NCKAP5: variants seen among roughly 807,000 people sequenced by gnomAD.
NCKAP5 encodes the protein NCK associated protein 5, also known as nck-associated protein 5.
NCKAP5 carries 92 observed loss-of-function variants against 167.0 expected under a neutral mutation model. The ratio of observed to expected loss-of-function variants is 0.55; its 90% CI spans 0.47 to 0.66. The LOEUF is 0.66. NCKAP5 is among the 30% of genes least tolerant of loss of function. The probability of loss-of-function intolerance (pLI) is 0.00; values close to 1 mark genes in which losing one functional copy is unlikely to be tolerated. For missense variants in NCKAP5, 2,378 were observed against 2,315.0 expected (o/e 1.03, Z -0.56); for synonymous variants, 891 against 877.4 (o/e 1.02, Z -0.27).
At chr2:132,791,701 C>T (rs1684083219) in intron 12 of NCKAP5, among the ~76,000 whole-genome samples, 1 of 152,176 alleles carries the variant, frequency 6.6e-6, no homozygotes. Context: ...CCTTTCAGTA[C>T]CTGAGTACTT....
At chr2:133,003,261 T>C (rs10496696) in intron 6 of NCKAP5, among the ~76,000 whole-genome samples, 8,247 of 152,256 alleles carry the variant, frequency 0.054, 458 homozygotes, top group East Asian at 0.33. Flanking sequence ...TATAATTTGC[T>C]TTTAAGTTTC....
intron 3 of NCKAP5, among the ~76,000 whole-genome samples, chr2:133,442,420 C>G (rs1449429473): frequency 6.6e-6 from 1 of 152,182 alleles, no homozygotes; most frequent in Non-Finnish European, 1.5e-5. Context: ...GTTGAAGCTG[C>G]CTAACAGCTC....
At chr2:132,803,192 C>CT (rs1358014032) in intron 11 of NCKAP5, among the ~76,000 whole-genome samples, 1 of 152,152 alleles carries the variant, frequency 6.6e-6, no homozygotes, top group Non-Finnish European at 1.5e-5. Flanking sequence ...AAATGTTCTC[C>CT]TAGAGACCCT....
At chr2:133,033,656 CAA>C (rs1227395486) in intron 6 of NCKAP5, among the ~76,000 whole-genome samples, 1 of 151,962 alleles carries the variant, frequency 6.6e-6, no homozygotes, top group Non-Finnish European at 1.5e-5. Flanking sequence ...ATAAATTTAG[CAA>C]AGAGATTGAA....
intron 6 of NCKAP5, among the ~76,000 whole-genome samples, chr2:133,017,733 C>G (rs138405576): frequency 1.4e-4 from 22 of 152,126 alleles, no homozygotes; most frequent in African/African-American, 5.1e-4. Flanking sequence ...CCCGCCCCCC[C>G]ACTGTTTCCT....
chr2:132,737,026 C>T (rs1656687572), intron 16 of NCKAP5, among the ~76,000 whole-genome samples: 1 of 152,156 alleles, frequency 6.6e-6, no homozygotes, highest in African/African-American at 2.4e-5. Flanking sequence ...AAGGTATTAA[C>T]AAATTCTCAC....
chr2:133,123,117 G>A (rs1207029560), intron 6 of NCKAP5: 1 of 152,060 alleles, frequency 6.6e-6, no homozygotes, highest in African/African-American at 2.4e-5. Context: ...ATGAATAATA[G>A]GCAACATGAC....
chr2:133,141,725 T>C (rs1409143318), intron 5 of NCKAP5, among the ~76,000 whole-genome samples: 1 of 152,224 alleles, frequency 6.6e-6, no homozygotes, highest in East Asian at 1.9e-4. Flanking sequence ...TTGTGGAAAG[T>C]TTCTTTAAAC....
At chr2:133,309,490 C>T (rs1019349019) in intron 3 of NCKAP5, among the ~76,000 whole-genome samples, 6 of 152,214 alleles carry the variant, frequency 3.9e-5, no homozygotes, top group Middle Eastern at 3.4e-3. Context: ...GTGGGGGGCA[C>T]CAAGTTACAC....
intron 16 of NCKAP5, among the ~76,000 whole-genome samples, chr2:132,761,444 G>T (rs35199684): frequency 0.12 from 18,031 of 152,326 alleles, 1,360 homozygotes; most frequent in East Asian, 0.17. Context: ...ATGGGCAAAT[G>T]CTGGCTAGGG....
intron 17 of NCKAP5, among the ~76,000 whole-genome samples, chr2:132,730,941 G>T (rs187997262): frequency 6.6e-6 from 1 of 152,210 alleles, no homozygotes; most frequent in South Asian, 2.1e-4. Flanking sequence ...ATAATTAAAA[G>T]TCTCCTTTTC....
chr2:133,545,734 C>A (rs778831229), intron 2 of NCKAP5, among the ~76,000 whole-genome samples: 3 of 152,044 alleles, frequency 2.0e-5, no homozygotes, highest in East Asian at 1.9e-4. Flanking sequence ...GAATTTCGTA[C>A]CTTACAAGAA....
the NCKAP5 span, among the ~76,000 whole-genome samples, chr2:133,607,012 G>C: frequency 3.8e-4 from 58 of 152,314 alleles, no homozygotes; most frequent in Middle Eastern, 3.4e-3. Context: ...GTGGGAGCTT[G>C]AGAATGAAGG....
At chr2:133,477,340 C>A (rs1157150304) in intron 3 of NCKAP5, among the ~76,000 whole-genome samples, 1 of 152,148 alleles carries the variant, frequency 6.6e-6, no homozygotes, top group Non-Finnish European at 1.5e-5. Context: ...AGAGCTGTAT[C>A]CTCCCTTTGA....
chr2:132,773,962 G>C, intron 15 of NCKAP5, 68 bp from the exon 16 acceptor site: 4 of 1,312,180 alleles, frequency 3.0e-6, no homozygotes, highest in Non-Finnish European at 4.3e-6. Flanking sequence ...GCAATCCTCA[G>C]AGTAATGGTA....
In NCKAP5 at chr2:132,878,652, ACACG is replaced by A. The variant is rs1165753371; in HGVS notation, c.648+192_648+195del. 1.0e-3 allele frequency among the ~76,000 whole-genome samples: 44 copies of A among 42,724 alleles called. 1 individual carries two copies. Among genetic ancestry groups the A allele is most frequent in the Admixed American group, 7.0e-3 (30 of 4,280 alleles). 28.0% of individuals were successfully genotyped at this position (42,724 alleles called of 152,430 possible). ...CACACACACACACACACACACACACACACGCACGCATACACACACACACACCGCC... is the reference window on the plus strand; with the variant it reads ...CACACACACACACACACACACACACACACGCATACACACACACACACCGCC... On this transcript the variant is annotated intron_variant, in intron 9 of 19. Transcript: ENST00000409261.
chr2:133,638,857 CAAAA>C, the NCKAP5 span, among the ~76,000 whole-genome samples: 1 of 84,034 alleles, frequency 1.2e-5, no homozygotes, highest in African/African-American at 4.5e-5. Context: ...GACTCTATCT[CAAAA>C]AAAAAAAAAA....
At chr2:132,885,569 T>G (rs1692149100) in intron 8 of NCKAP5, among the ~76,000 whole-genome samples, 1 of 152,208 alleles carries the variant, frequency 6.6e-6, no homozygotes, top group African/African-American at 2.4e-5. Context: ...CATGGTTTCA[T>G]CTCTAAAAAT....
At chr2:132,973,172 T>G (rs1411291389) in intron 7 of NCKAP5, among the ~76,000 whole-genome samples, 1 of 152,202 alleles carries the variant, frequency 6.6e-6, no homozygotes, top group Non-Finnish European at 1.5e-5. Context: ...TCTAGGTCTG[T>G]CTGAGTCTAG....
Sources: gnomAD v4.1 joint callset for allele counts (sites outside exome capture counted in the v4.1 genomes callset) on GRCh38, gnomAD v4.1.1 for gene constraint, MANE v1.5 for transcripts, NCBI Gene and HGNC (gene_info 2026-07-23, HGNC 2026-07-21) for gene names.